The following OTOA variants were observed in gnomAD, a reference collection of about 807,000 sequenced individuals.
OTOA encodes the protein otoancorin, also known as cancer/testis antigen 108.
A neutral mutation model predicts 110.8 loss-of-function variants in OTOA; 70 were observed. The ratio of observed to expected loss-of-function variants is 0.63; its 90% CI spans 0.52 to 0.77. The LOEUF is 0.77. OTOA is among the 30% of genes least tolerant of loss of function. The pLI, the probability that OTOA is intolerant of heterozygous loss-of-function variation, is 0.00. For missense variants in OTOA, 917 were observed against 1,075.8 expected, an observed-to-expected ratio of 0.85 and a Z score of 2.06; for synonymous variants, 373 against 431.5, an observed-to-expected ratio of 0.86 and a Z score of 1.68.
intron 22 of OTOA, among the ~76,000 whole-genome samples, chr16:21,737,971 T>C (rs1899387856): frequency 6.6e-6 from 1 of 152,428 alleles, no homozygotes; most frequent in South Asian, 2.1e-4. Flanking sequence ...GCACCAATTT[T>C]GTAAATAAAG....
intron 17 of OTOA, 91 bp downstream of exon 17, chr16:21,719,595 C>A (rs1898666978): frequency 1.7e-6 from 2 of 1,210,312 alleles, no homozygotes; most frequent in Non-Finnish European, 2.4e-6. Context: ...GATCTTTATG[C>A]CAGAATCATT....
intron 22 of OTOA, among the ~76,000 whole-genome samples, chr16:21,738,374 C>T (rs1437808545): frequency 8.6e-5 from 10 of 116,464 alleles, no homozygotes; most frequent in South Asian, 6.4e-4. Context: ...CGTGTGACAT[C>T]GAGCAAAGAA....
chr16:21,691,813 GA>G, intron 9 of OTOA, 126 bp downstream of exon 9: 1 of 842,896 alleles, frequency 1.2e-6, no homozygotes, highest in Non-Finnish European at 1.9e-6. Context: ...CCACTGCTTC[GA>G]AAAACAGTTT....
At chr16:21,676,224 G>A (rs1966857383) in intron 1 of OTOA, among the ~76,000 whole-genome samples, 1 of 152,114 alleles carries the variant, frequency 6.6e-6, no homozygotes, top group Non-Finnish European at 1.5e-5. Context: ...TGGCCTGCCT[G>A]ATAATTTTTG....
At chr16:21,758,017 G>A (rs2141768809) in intron 28 of OTOA, among the ~76,000 whole-genome samples, 1 of 152,204 alleles carries the variant, frequency 6.6e-6, no homozygotes, top group South Asian at 2.1e-4. Flanking sequence ...AGATAGATAA[G>A]GCCCTCTTGT....
intron 6 of OTOA, among the ~76,000 whole-genome samples, chr16:21,682,399 C>T (rs901045103): frequency 6.6e-6 from 1 of 152,168 alleles, no homozygotes; most frequent in African/African-American, 2.4e-5. Context: ...TGCAAAGGAG[C>T]CATGTACCCA....
intron 19 of OTOA, chr16:21,726,963 C>T (rs1252496994): frequency 5.1e-6 from 2 of 390,694 alleles, no homozygotes; most frequent in African/African-American, 4.2e-5. Context: ...CTCCCTGAGC[C>T]TCAGTCTTCT....
intron 7 of OTOA, 130 bp downstream of exon 7, chr16:21,685,491 C>A: frequency 2.2e-6 from 3 of 1,339,160 alleles, no homozygotes; most frequent in Non-Finnish European, 3.1e-6. Context: ...CTGCCTCCTC[C>A]AACCCCCTGG....
In OTOA at chr16:21,710,097, T is replaced by C; in HGVS notation, c.1314T>C (p.His438=). The change falls in exon 13 of 29, where the codon CAT becomes CAC. Residue 438 remains histidine (H), a synonymous_variant. Transcript: ENST00000646100. The part of the protein sequence containing the change: ...VIILSAKYLA[H]EKVLSFYNVS... The stretch of plus-strand genomic sequence containing the variant: ...TCTTGTCTGCCAAATACTTGGCCCA[T>C]GAGAAGGTCAGCTGGAGTTTTAAAC... The C allele has an allele frequency of 6.2e-7, 1 of 1,612,382 alleles. No homozygotes were observed. Among genetic ancestry groups the C allele is most frequent in the South Asian group, 1.1e-5 (1 of 90,734 alleles).
chr16:21,693,713 G>A (rs935035645), intron 9 of OTOA, among the ~76,000 whole-genome samples: 2 of 152,148 alleles, frequency 1.3e-5, no homozygotes, highest in Non-Finnish European at 2.9e-5. Flanking sequence ...ATAGCTGAGA[G>A]TATAGGTGCC....
intron 1 of OTOA, among the ~76,000 whole-genome samples, chr16:21,666,971 C>T (rs1029070676): frequency 6.6e-6 from 1 of 152,102 alleles, no homozygotes. Flanking sequence ...GCACAAGAAG[C>T]CACATTGTCT....
Position 21,736,398 on chromosome 16 carries a change from T to A in OTOA, c.2431+8T>A. On this transcript the variant is annotated splice_region_variant and intron_variant, in intron 22 of 28. Coordinates refer to ENST00000646100, the MANE Select transcript of OTOA (RefSeq NM_144672.4). Reference sequence around the variant, plus strand: ...GCTATGACCCTATGCCTGGTGAGTGTTTTCAGGGTATCTGAGCCATTGCTG... The same window carrying A: ...GCTATGACCCTATGCCTGGTGAGTGATTTCAGGGTATCTGAGCCATTGCTG... 5 of 1,614,108 alleles carry A rather than the reference T, an allele frequency of 3.1e-6. No individual in the cohort carries two copies. Among genetic ancestry groups the A allele is most frequent in the Non-Finnish European group, 4.2e-6 (5 of 1,180,002 alleles).
intron 10 of OTOA, among the ~76,000 whole-genome samples, chr16:21,698,846 G>C (rs1262073894): frequency 6.6e-6 from 1 of 152,146 alleles, no homozygotes. Context: ...GAGCCCCCTA[G>C]AGGAAATTTC....
intron 19 of OTOA, among the ~76,000 whole-genome samples, chr16:21,727,594 C>T (rs911533715): frequency 6.6e-6 from 1 of 152,178 alleles, no homozygotes; most frequent in South Asian, 2.1e-4. Context: ...GCTTTGAAGG[C>T]TTTCAAGTGG....
chr16:21,720,363 A>C (rs1385907833), intron 17 of OTOA, among the ~76,000 whole-genome samples: 1 of 152,214 alleles, frequency 6.6e-6, no homozygotes, highest in Non-Finnish European at 1.5e-5. Flanking sequence ...ATTAAAAAGC[A>C]CCTTCTCAAC....
chr16:21,721,074 C>T (rs1898718928), intron 17 of OTOA, among the ~76,000 whole-genome samples: 1 of 151,644 alleles, frequency 6.6e-6, no homozygotes, highest in Non-Finnish European at 1.5e-5. Flanking sequence ...ACCACCACAC[C>T]TGGCTAATTT....
At chr16:21,708,311 T>C (rs1420204920) in intron 12 of OTOA, among the ~76,000 whole-genome samples, 1 of 152,098 alleles carries the variant, frequency 6.6e-6, no homozygotes, top group East Asian at 1.9e-4. Context: ...GGGTTTGCTC[T>C]TAGGAGAATC....
chr16:21,707,647 T>TTCTTTC (rs1898222736), intron 12 of OTOA, among the ~76,000 whole-genome samples: 1 of 114,362 alleles, frequency 8.7e-6, no homozygotes, highest in African/African-American at 3.1e-5. Context: ...CTTTCTTTCT[T>TTCTTTC]TCTTTCTTTC....
At chr16:21,698,632 C>T (rs1372262200) in intron 10 of OTOA, among the ~76,000 whole-genome samples, 2 of 152,058 alleles carry the variant, frequency 1.3e-5, no homozygotes, top group Non-Finnish European at 2.9e-5. Flanking sequence ...TGTTCAAGGA[C>T]CCATTGACCC....
Sources: gnomAD v4.1 joint callset for allele counts (sites outside exome capture counted in the v4.1 genomes callset) on GRCh38, gnomAD v4.1.1 for gene constraint, MANE v1.5 for transcripts, NCBI Gene and HGNC (gene_info 2026-07-23, HGNC 2026-07-21) for gene names.